The following CBFA2T2 variants were observed in gnomAD, a reference collection of about 807,000 sequenced individuals.
CBFA2T2 encodes CBFA2/RUNX1 partner transcriptional co-repressor 2, also known as protein CBFA2T2.
Under a neutral mutation model 62.2 loss-of-function variants are expected in CBFA2T2, and 11 were observed. The ratio of observed to expected loss-of-function variants is 0.18; its 90% CI spans 0.11 to 0.29. The LOEUF is 0.29. Ranked by LOEUF, CBFA2T2 falls within the 10% of genes least tolerant of loss-of-function variation. The pLI is 1.00. For synonymous variants in CBFA2T2, 295 were observed against 287.5 expected (o/e 1.03, Z -0.27); for missense variants, 592 against 774.1 (o/e 0.76, Z 2.79).
rs1041817516 is a variant in CBFA2T2 at position 33,610,991 on chromosome 20, T to C, written c.179-103T>C. The stretch of plus-strand genomic sequence containing the variant: ...TTGCATACCTTTATAACATGTGCTT[T>C]ACAAAATTCAAATGAACAAACGAAA... On this transcript the variant is annotated intron_variant, in intron 2 of 10. Transcript: ENST00000342704. 9.7e-6 allele frequency: 14 copies of C among 1,439,944 alleles called. No individual in the cohort carries two copies. The Admixed American group carries it at 2.5e-4, about 26-fold the overall frequency. 89.2% of individuals were successfully genotyped at this position (1,439,944 alleles called of 1,614,324 possible).
chr20:33,542,150 C>A (rs1226835720), intron 1 of CBFA2T2, among the ~76,000 whole-genome samples: 1 of 152,152 alleles, frequency 6.6e-6, no homozygotes, highest in East Asian at 1.9e-4. Context: ...GGCCTGGGAA[C>A]CTACATTTTA....
intron 1 of CBFA2T2, among the ~76,000 whole-genome samples, chr20:33,595,316 A>T (rs2014837704): frequency 6.6e-6 from 1 of 151,768 alleles, no homozygotes. Context: ...GGTTCATGTG[A>T]TTCTCCAGTC....
intron 1 of CBFA2T2, among the ~76,000 whole-genome samples, chr20:33,563,501 C>T (rs1325155393): frequency 6.6e-6 from 1 of 152,168 alleles, no homozygotes; most frequent in African/African-American, 2.4e-5. Context: ...AGCCACTGCA[C>T]CTGGCCACTT....
chr20:33,597,495 C>T (rs2014942674), intron 1 of CBFA2T2, among the ~76,000 whole-genome samples: 1 of 152,124 alleles, frequency 6.6e-6, no homozygotes, highest in Admixed American at 6.5e-5. Context: ...AAGTGGTGAG[C>T]CAGTGCATTA....
At chr20:33,628,518 G>A in intron 7 of CBFA2T2, 83 bp downstream of exon 7, 1 of 921,036 alleles carries the variant, frequency 1.1e-6, no homozygotes, top group Non-Finnish European at 1.8e-6. Context: ...ACCCAGGATG[G>A]AGTGCAGTGG....
chr20:33,501,352 C>T (rs1170218079), intron 1 of CBFA2T2, among the ~76,000 whole-genome samples: 1 of 152,198 alleles, frequency 6.6e-6, no homozygotes, highest in Non-Finnish European at 1.5e-5. Context: ...GTCGTGCCTG[C>T]TTTTAATTTT....
intron 2 of CBFA2T2, among the ~76,000 whole-genome samples, chr20:33,607,818 A>G (rs1173838566): frequency 6.6e-6 from 1 of 152,232 alleles, no homozygotes; most frequent in Non-Finnish European, 1.5e-5. Flanking sequence ...TACAAGGGGT[A>G]AGACTTCAAT....
chr20:33,524,623 T>TAAGAA (rs2011834185), intron 1 of CBFA2T2, among the ~76,000 whole-genome samples: 1 of 152,118 alleles, frequency 6.6e-6, no homozygotes, highest in East Asian at 1.9e-4. Flanking sequence ...ATCCAGATGC[T>TAAGAA]CACTTAAATA....
At chr20:33,594,347 G>A (rs546815099) in intron 1 of CBFA2T2, among the ~76,000 whole-genome samples, 4 of 151,882 alleles carry the variant, frequency 2.6e-5, no homozygotes, top group Non-Finnish European at 4.4e-5. Flanking sequence ...TCAGCCTCCC[G>A]AGTAGCTGGG....
intron 1 of CBFA2T2, among the ~76,000 whole-genome samples, chr20:33,554,600 C>CTTTTTTTTTTTTTTTTTT (rs752877501): frequency 1.8e-5 from 1 of 56,286 alleles, no homozygotes; most frequent in Non-Finnish European, 3.5e-5. Flanking sequence ...TTTTTCTTTT[C>CTTTTTTTTTTTTTTTTTT]TTTTTTTTTT....
At chr20:33,529,683 CA>C (rs199664317) in intron 1 of CBFA2T2, among the ~76,000 whole-genome samples, 3 of 135,110 alleles carry the variant, frequency 2.2e-5, no homozygotes, top group Admixed American at 7.7e-5. Flanking sequence ...AAAAAACAAA[CA>C]AAAAAAAACT....
chr20:33,536,901 A>G (rs1373897454), intron 1 of CBFA2T2, among the ~76,000 whole-genome samples: 1 of 145,730 alleles, frequency 6.9e-6, no homozygotes, highest in African/African-American at 2.6e-5. Flanking sequence ...GCGGCCGGGA[A>G]GAGGCGCTCC....
intron 1 of CBFA2T2, among the ~76,000 whole-genome samples, chr20:33,510,979 G>T (rs1269288112): frequency 6.6e-6 from 1 of 152,138 alleles, no homozygotes. Flanking sequence ...TTTTGATGGG[G>T]TTGTTTGTTT....
chr20:33,520,080 G>A (rs1272373882), intron 1 of CBFA2T2, among the ~76,000 whole-genome samples: 1 of 152,150 alleles, frequency 6.6e-6, no homozygotes, highest in Non-Finnish European at 1.5e-5. Flanking sequence ...GGGAGGCAGA[G>A]GTTGTGGTGA....
chr20:33,640,642 A>G lies in CBFA2T2; in HGVS notation c.1488+111A>G, dbSNP rs1028705371. 2.0e-5 allele frequency: 19 copies of G among 939,504 alleles called. No individual in the cohort carries two copies. In the Admixed American group the frequency reaches 3.8e-4, roughly 19 times the overall value. 58.2% of individuals were successfully genotyped at this position (939,504 alleles called of 1,614,324 possible). Reference sequence around the variant, plus strand: ...CACAGGCAGTCCACTCTTGAGCTCAATGAGGATAATTTTTATCCAGTGCCA... The same window carrying G: ...CACAGGCAGTCCACTCTTGAGCTCAGTGAGGATAATTTTTATCCAGTGCCA... On this transcript the variant is annotated intron_variant, in intron 10 of 10. Transcript: ENST00000342704.
chr20:33,493,076 T>TTG, intron 1 of CBFA2T2, among the ~76,000 whole-genome samples: 2 of 144,060 alleles, frequency 1.4e-5, no homozygotes, highest in African/African-American at 2.6e-5. Flanking sequence ...TGGTTTTTTT[T>TTG]TTTTTTTTTT....
chr20:33,563,996 A>G (rs1437329560), intron 1 of CBFA2T2, among the ~76,000 whole-genome samples: 1 of 152,162 alleles, frequency 6.6e-6, no homozygotes, highest in African/African-American at 2.4e-5. Flanking sequence ...ACTGAATTGT[A>G]CTGCTTTGTG....
chr20:33,514,336 T>A (rs2011564464), intron 1 of CBFA2T2, among the ~76,000 whole-genome samples: 1 of 146,458 alleles, frequency 6.8e-6, no homozygotes, highest in Non-Finnish European at 1.5e-5. Flanking sequence ...TGCCTTTGCC[T>A]CCCCAGTAAC....
At position 33,625,026 on chromosome 20, in the gene CBFA2T2, C is replaced by T. The variant is rs751038276; in HGVS notation, c.946+9C>T. 1.9e-6 allele frequency: 3 copies of T among 1,607,074 alleles called. No homozygotes were observed. Among genetic ancestry groups the T allele is most frequent in the South Asian group, 1.1e-5 (1 of 90,758 alleles). On this transcript the variant is annotated intron_variant, in intron 6 of 10. Coordinates refer to ENST00000342704, the MANE Select transcript of CBFA2T2 (RefSeq NM_001032999.3). ...TAGACACCACAGTCTTGGTAAGCAA[C>T]CGAAGCAGCATGGTAAATTCAGACT...
Sources: allele counts gnomAD v4.1 joint callset (sites outside exome capture counted in the v4.1 genomes callset), GRCh38; gene constraint gnomAD v4.1.1; transcripts MANE v1.5; gene names NCBI Gene and HGNC (gene_info 2026-07-23, HGNC 2026-07-21).